The following PLXDC2 variants were observed in gnomAD, a reference collection of about 807,000 sequenced individuals.
PLXDC2 encodes plexin domain containing 2, also known as plexin domain-containing protein 2.
PLXDC2 carries 40 observed loss-of-function variants against 68.9 expected under a neutral mutation model. The ratio of observed to expected loss-of-function variants is 0.58; its 90% confidence interval spans 0.45 to 0.76. PLXDC2 has a LOEUF of 0.76. PLXDC2 is among the 30% of genes least tolerant of loss of function. The pLI, the probability that PLXDC2 is intolerant of heterozygous loss-of-function variation, is 0.00. For synonymous variants in PLXDC2, 243 were observed against 234.2 expected (o/e 1.04, Z -0.34); for missense variants, 644 against 661.9 (o/e 0.97, Z 0.30).
chr10:19,939,704 T>C (rs1040633793), intron 1 of PLXDC2, among the ~76,000 whole-genome samples: 3 of 152,102 alleles, frequency 2.0e-5, no homozygotes, highest in African/African-American at 7.2e-5. Context: ...AAAGAAAGCA[T>C]ACATTAAAGG....
intron 12 of PLXDC2, among the ~76,000 whole-genome samples, chr10:20,229,896 AAC>A (rs1004908304): frequency 6.6e-6 from 1 of 152,334 alleles, no homozygotes. Context: ...AGTGATTTTT[AAC>A]ACAGTTAACA....
At chr10:20,166,408 A>T (rs1000217536) in intron 7 of PLXDC2, among the ~76,000 whole-genome samples, 2 of 152,136 alleles carry the variant, frequency 1.3e-5, no homozygotes, top group Non-Finnish European at 2.9e-5. Context: ...TGTACTGTGA[A>T]CAAAGCAAGG....
chr10:20,249,525 A>C (rs1835643345), intron 13 of PLXDC2, among the ~76,000 whole-genome samples: 1 of 152,016 alleles, frequency 6.6e-6, no homozygotes, highest in Admixed American at 6.5e-5. Flanking sequence ...GTTTCTTCTC[A>C]TATCATTCCA....
At chr10:19,934,863 T>A (rs75238241) in intron 1 of PLXDC2, among the ~76,000 whole-genome samples, 7,168 of 152,144 alleles carry the variant, frequency 0.047, 181 homozygotes, top group Non-Finnish European at 0.057. Flanking sequence ...TTTCTTTCAC[T>A]AAGGTGAAAC....
At chr10:20,206,565 G>A (rs185412595) in intron 9 of PLXDC2, among the ~76,000 whole-genome samples, 3 of 152,234 alleles carry the variant, frequency 2.0e-5, no homozygotes, top group Admixed American at 6.6e-5. Context: ...AGCAAAAGGA[G>A]GGTATGAATG....
intron 2 of PLXDC2, among the ~76,000 whole-genome samples, chr10:20,019,545 A>G (rs1026291151): frequency 1.3e-5 from 2 of 152,182 alleles, no homozygotes; most frequent in Non-Finnish European, 2.9e-5. Context: ...TTAGGAGGCA[A>G]TTAAGGTTAA....
At chr10:20,186,466 G>A (rs1341042935) in intron 9 of PLXDC2, among the ~76,000 whole-genome samples, 2 of 151,732 alleles carry the variant, frequency 1.3e-5, no homozygotes, top group Non-Finnish European at 2.9e-5. Context: ...TGTTATATAG[G>A]TAAACTCACG....
At chr10:19,966,837 C>T (rs979328406) in intron 1 of PLXDC2, among the ~76,000 whole-genome samples, 1 of 152,054 alleles carries the variant, frequency 6.6e-6, no homozygotes, top group Non-Finnish European at 1.5e-5. Flanking sequence ...ATGCTTCCCT[C>T]ACATATCCTG....
intron 4 of PLXDC2, among the ~76,000 whole-genome samples, chr10:20,114,260 G>C (rs1425914330): frequency 6.6e-6 from 1 of 152,172 alleles, no homozygotes; most frequent in African/African-American, 2.4e-5. Flanking sequence ...TCCACCATCT[G>C]ACCTCAGCCT....
chr10:19,867,751 A>G (rs931055508), intron 1 of PLXDC2, among the ~76,000 whole-genome samples: 4 of 150,878 alleles, frequency 2.7e-5, no homozygotes, highest in Non-Finnish European at 5.9e-5. Context: ...TCTCTCACTC[A>G]CCAGTCTCGG....
chr10:20,267,962 T>A (rs1176962107), intron 13 of PLXDC2, among the ~76,000 whole-genome samples: 1 of 152,058 alleles, frequency 6.6e-6, no homozygotes, highest in Non-Finnish European at 1.5e-5. Context: ...TGCAGTCCAC[T>A]CTCAGGAAAG....
intron 13 of PLXDC2, among the ~76,000 whole-genome samples, chr10:20,261,013 A>C (rs1398881642): frequency 3.3e-5 from 5 of 152,150 alleles, no homozygotes; most frequent in African/African-American, 9.7e-5. Flanking sequence ...GAAATTTTCA[A>C]GTCCTTTCTC....
intron 1 of PLXDC2, among the ~76,000 whole-genome samples, chr10:19,839,440 T>C (rs1277329126): frequency 6.6e-6 from 1 of 152,188 alleles, no homozygotes; most frequent in Non-Finnish European, 1.5e-5. Context: ...ATTCTTCCAA[T>C]GTGGCCCAGG....
Position 20,065,901 on chromosome 10 carries a change from C to G in PLXDC2, c.472-2269C>G, listed in dbSNP as rs558603540. On this transcript the variant is annotated intron_variant, in intron 3 of 13. Transcript: ENST00000377252. ...GCTGCTCACCTGCTGCTGTGTAGCCCAGTTCCTAACAGGTCATGGCCTGTG... is the reference window on the plus strand; with the variant it reads ...GCTGCTCACCTGCTGCTGTGTAGCCGAGTTCCTAACAGGTCATGGCCTGTG... 3.9e-5 allele frequency among the ~76,000 whole-genome samples: 6 copies of G among 152,360 alleles called. No homozygotes were observed. In the South Asian group the frequency reaches 1.2e-3, roughly 32 times the overall value.
intron 4 of PLXDC2, among the ~76,000 whole-genome samples, chr10:20,127,324 T>G (rs1306129546): frequency 3.3e-5 from 5 of 152,202 alleles, no homozygotes; most frequent in Non-Finnish European, 7.3e-5. Context: ...GAGATCTTTG[T>G]CTTTCCTAGA....
intron 4 of PLXDC2, among the ~76,000 whole-genome samples, chr10:20,073,654 T>A (rs891400199): frequency 6.6e-6 from 1 of 152,220 alleles, no homozygotes; most frequent in African/African-American, 2.4e-5. Context: ...AAGCATTCAT[T>A]TATCTTTCTA....
chr10:19,841,837 T>G (rs1836915881), intron 1 of PLXDC2, among the ~76,000 whole-genome samples: 1 of 152,200 alleles, frequency 6.6e-6, no homozygotes, highest in Non-Finnish European at 1.5e-5. Context: ...CATTTCTGTT[T>G]GTATTTTATA....
At chr10:20,137,419 A>T (rs1833948134) in intron 4 of PLXDC2, among the ~76,000 whole-genome samples, 1 of 152,234 alleles carries the variant, frequency 6.6e-6, no homozygotes, top group Non-Finnish European at 1.5e-5. Flanking sequence ...GAAATGAATT[A>T]TCGCATCGTG....
chr10:20,260,266 T>C (rs1835793645), intron 13 of PLXDC2, among the ~76,000 whole-genome samples: 1 of 152,208 alleles, frequency 6.6e-6, no homozygotes, highest in Admixed American at 6.5e-5. Context: ...TTGTTAACTG[T>C]AGTCCTCATG....
Sources: gnomAD v4.1 joint callset for allele counts (sites outside exome capture counted in the v4.1 genomes callset) on GRCh38, gnomAD v4.1.1 for gene constraint, MANE v1.5 for transcripts, NCBI Gene and HGNC (gene_info 2026-07-23, HGNC 2026-07-21) for gene names.